Variants in RAD51AP2 observed in about 807,000 individuals in gnomAD.
RAD51AP2 encodes RAD51-associated protein 2.
In RAD51AP2, 67 loss-of-function variants were observed where a neutral mutation model predicts 85.5. The observed-to-expected ratio is 0.78, with a 90% CI of 0.64 to 0.96. The LOEUF (loss-of-function observed/expected upper bound fraction) is 0.96. RAD51AP2 is among the 40% of genes least tolerant of loss of function. The pLI is 0.00. For synonymous variants in RAD51AP2, 474 were observed against 446.5 expected (o/e 1.06, Z -0.78); for missense variants, 1,307 against 1,332.4 (o/e 0.98, Z 0.30).
chr2:17,523,543 T>A, the RAD51AP2 span, among the ~76,000 whole-genome samples: 2 of 151,928 alleles, frequency 1.3e-5, no homozygotes, highest in African/African-American at 4.8e-5. Context: ...TACTACAAGC[T>A]TATAGCTGTA....
At chr2:17,525,166 A>T in the RAD51AP2 span, among the ~76,000 whole-genome samples, 1 of 152,126 alleles carries the variant, frequency 6.6e-6, no homozygotes, top group South Asian at 2.1e-4. Flanking sequence ...GCAATATTTT[A>T]AAAAACTAAA....
Position 17,518,168 on chromosome 2 carries a change from T to G in RAD51AP2, c.248A>C (p.Asp83Ala). ...CTCCACACACGAGTCTGTGGAGTTA[T>G]CGAAAATAGCATTCGTTGAAACAAG... is the stretch of plus-strand genomic sequence containing the variant. ...GLLVSTNAIF[D>A]NSTDSCVEKS... The change falls in exon 1 of 3, where the codon GAT becomes GCT. Residue 83 changes from aspartate (D) to alanine (A), a missense_variant. Coordinates refer to ENST00000399080, the MANE Select transcript of RAD51AP2 (RefSeq NM_001099218.3). The G allele has an allele frequency of 6.8e-6, 11 of 1,614,228 alleles. No individual in the cohort carries two copies. Among genetic ancestry groups the G allele is most frequent in the Non-Finnish European group, 9.3e-6 (11 of 1,180,040 alleles).
the RAD51AP2 span, among the ~76,000 whole-genome samples, chr2:17,524,502 G>T: frequency 0.02 from 2,977 of 151,914 alleles, 63 homozygotes; most frequent in East Asian, 0.1. Context: ...GAGTCTTAAA[G>T]GTTATATTCA....
rs549850726 is a variant in RAD51AP2 at position 17,518,250 on chromosome 2, G to A, written c.166C>T (p.Arg56Cys). Reference sequence around the variant, plus strand: ...CAGACTTTTTCCGCCTCAGACAAGCGAGGCACCAGAGGCAGTCGCCAGCCC... The same window carrying A: ...CAGACTTTTTCCGCCTCAGACAAGCAAGGCACCAGAGGCAGTCGCCAGCCC... ...KAGWRLPLVP[R>C]LSEAEKVWEL... The change falls in exon 1 of 3, where the codon CGC becomes TGC. Residue 56 changes from arginine to cysteine, a missense_variant. By Grantham distance (180) the Arg-to-Cys change is radical (BLOSUM62 -3). Transcript: ENST00000399080. 3.6e-5 allele frequency: 58 copies of A among 1,614,146 alleles called. No individual in the cohort carries two copies. The Middle Eastern group carries it at 5.0e-4, about 14-fold the overall frequency.
At chr2:17,511,143 CAT>C (rs1329384571) in intron 2 of RAD51AP2, among the ~76,000 whole-genome samples, 188 bp from the exon 3 acceptor site, 4 of 152,200 alleles carry the variant, frequency 2.6e-5, no homozygotes, top group African/African-American at 9.6e-5. Flanking sequence ...ATATGAAAAA[CAT>C]AAGCACAAAA....
In RAD51AP2 at chr2:17,516,634, T is replaced by A; in HGVS notation, c.1782A>T (p.Leu594Phe). 6.4e-7 allele frequency: 1 copy of A among 1,574,496 alleles called. No individual in the cohort carries two copies. Among genetic ancestry groups the A allele is most frequent in the Non-Finnish European group, 8.6e-7 (1 of 1,163,144 alleles). Residue 594 changes from leucine (L) to phenylalanine (F), a missense_variant, in exon 1 of 3, where the codon TTA (leucine) becomes TTT (phenylalanine). By Grantham distance (22) the Leu-to-Phe change is conservative (BLOSUM62 0). Around this residue, in one of 3 missense-constraint regions of RAD51AP2, gnomAD observed 668 missense variants for 671.0 expected, o/e 1.00. Coordinates refer to ENST00000399080, the MANE Select transcript of RAD51AP2 (RefSeq NM_001099218.3). ...IAFLLNNFDSLTRIENDFELE... is the reference protein window; with the variant it reads ...IAFLLNNFDSFTRIENDFELE... ...ATTCAAAATCATTTTCAATTCTTGT[T>A]AAAGAGTCAAAGTTATTGAGCAAAA...
At chr2:17,526,887 C>G in the RAD51AP2 span, among the ~76,000 whole-genome samples, 1 of 152,106 alleles carries the variant, frequency 6.6e-6, no homozygotes, top group Non-Finnish European at 1.5e-5. Flanking sequence ...AATTACAAAA[C>G]TATTTTGCAC....
At chr2:17,518,455 C>T, upstream of RAD51AP2, 1 of 1,580,324 alleles carries the variant, frequency 6.3e-7, no homozygotes, top group Non-Finnish European at 8.6e-7. Context: ...CCCGGCGGGG[C>T]TCCAATCCCT....
In RAD51AP2 at chr2:17,515,592, A is replaced by C; in HGVS notation, c.2824T>G (p.Cys942Gly). The C allele has an allele frequency of 6.2e-7, 1 of 1,610,172 alleles. No homozygotes were observed. The highest frequency in any genetic ancestry group is 8.5e-7 in the Non-Finnish European group (1 of 1,178,666). ...TATTTAGCAGCTAAGTCCTGAAAAC[A>C]TTCATCATTCCCTTCACTCAGACCA... ...ETGLSEGNDE[C>G]FQDLAAKYLS... Residue 942 changes from cysteine to glycine, a missense_variant, in exon 1 of 3, where the codon TGT becomes GGT. Cys to Gly is a radical substitution (Grantham distance 159). Transcript: ENST00000399080.
chr2:17,534,031 A>C, the RAD51AP2 span, among the ~76,000 whole-genome samples: 1 of 152,208 alleles, frequency 6.6e-6, no homozygotes, highest in Non-Finnish European at 1.5e-5. Context: ...ACTCCATAGG[A>C]TTTTCCAATA....
chr2:17,529,963 G>A, the RAD51AP2 span, among the ~76,000 whole-genome samples: 1 of 152,264 alleles, frequency 6.6e-6, no homozygotes, highest in South Asian at 2.1e-4. Flanking sequence ...ATCTTTCAGA[G>A]GATCTTGCCC....
At chr2:17,513,113 C>A (rs770900740) in intron 2 of RAD51AP2, among the ~76,000 whole-genome samples, 23 of 152,068 alleles carry the variant, frequency 1.5e-4, no homozygotes, top group Non-Finnish European at 2.8e-4. Context: ...TCAATCCTAC[C>A]CCTACCCTAC....
At chr2:17,513,717 G>A (rs564077473) in intron 2 of RAD51AP2, among the ~76,000 whole-genome samples, 1 of 152,248 alleles carries the variant, frequency 6.6e-6, no homozygotes, top group South Asian at 2.1e-4. Flanking sequence ...ATCTCTATTA[G>A]ATGTGTAAAC....
Position 17,515,884 on chromosome 2 carries a change from T to C in RAD51AP2, c.2532A>G (p.Leu844=), listed in dbSNP as rs746200232. Residue 844 remains leucine, a synonymous_variant, in exon 1 of 3, where the codon TTA becomes TTG. Coordinates refer to ENST00000399080, the MANE Select transcript of RAD51AP2 (RefSeq NM_001099218.3). ...KEEVKVTAES[L]TNSCQVHKDT... ...CTTTGTGAACTTGGCAACTATTTGT[T>C]AAACTTTCAGCTGTGACTTTTACTT... is the stretch of plus-strand genomic sequence containing the variant. 1.9e-6 allele frequency: 3 copies of C among 1,606,100 alleles called. No homozygotes were observed. Among genetic ancestry groups the C allele is most frequent in the South Asian group, 2.3e-5 (2 of 88,364 alleles).
At chr2:17,520,508 T>A (rs1207288472), upstream of RAD51AP2, among the ~76,000 whole-genome samples, 1 of 152,146 alleles carries the variant, frequency 6.6e-6, no homozygotes, top group Non-Finnish European at 1.5e-5. Flanking sequence ...CCTTCCTTAG[T>A]AACAGTAAAC....
At chr2:17,523,310 C>T (rs1425544510), upstream of RAD51AP2, among the ~76,000 whole-genome samples, 1 of 151,884 alleles carries the variant, frequency 6.6e-6, no homozygotes, top group Non-Finnish European at 1.5e-5. Context: ...CTCTTCCCAA[C>T]TGTGTATTTC....
In RAD51AP2 at chr2:17,515,364, T is replaced by C. The variant is rs1662622429; in HGVS notation, c.3052A>G (p.Lys1018Glu). The change falls in exon 1 of 3, where the codon AAA (lysine) becomes GAA (glutamate). Residue 1018 changes from lysine (K) to glutamate (E), a missense_variant. By Grantham distance (56) the Lys-to-Glu change is moderately conservative. Coordinates refer to ENST00000399080, the MANE Select transcript of RAD51AP2 (RefSeq NM_001099218.3). ...CGTATTTTGTTGACCACAACCATTT[T>C]CAAATCTTTTTCTATCTCCATTTTT... Reference protein sequence around the residue: ...KVKMEIEKDLKMVVVNKIRAS... With the variant: ...KVKMEIEKDLEMVVVNKIRAS... The C allele has an allele frequency of 6.2e-7, 1 of 1,611,710 alleles. No individual in the cohort carries two copies. Among genetic ancestry groups the C allele is most frequent in the East Asian group, 2.2e-5 (1 of 44,818 alleles).
At chr2:17,518,964 T>G (rs1010729318), upstream of RAD51AP2, among the ~76,000 whole-genome samples, 1 of 152,146 alleles carries the variant, frequency 6.6e-6, no homozygotes, top group Non-Finnish European at 1.5e-5. Flanking sequence ...CAGCGTCACT[T>G]AAGATCATAT....
the RAD51AP2 span, among the ~76,000 whole-genome samples, chr2:17,532,907 G>T: frequency 6.6e-6 from 1 of 152,062 alleles, no homozygotes; most frequent in Non-Finnish European, 1.5e-5. Flanking sequence ...AATACACATC[G>T]TCATTTTAAT....
Sources: gnomAD v4.1 joint callset for allele counts (sites outside exome capture counted in the v4.1 genomes callset) on GRCh38, gnomAD v4.1.1 for gene constraint, gnomAD v4.1.1 regional missense constraint, MANE v1.5 for transcripts, NCBI Gene and HGNC (gene_info 2026-07-23, HGNC 2026-07-21) for gene names.